TNKS: variants seen among roughly 807,000 people sequenced by gnomAD.
TNKS encodes the protein poly [ADP-ribose] polymerase tankyrase-1.
A neutral mutation model predicts 135.8 loss-of-function variants in TNKS; 72 were observed. That is an observed-to-expected ratio of 0.53 (90% CI 0.44 to 0.64). The LOEUF is 0.64. Ranked by LOEUF, TNKS falls within the 30% of genes least tolerant of loss-of-function variation. TNKS has a pLI of 0.00. For missense variants in TNKS, 1,769 were observed against 1,674.0 expected (o/e 1.06, Z -0.99); for synonymous variants, 849 against 649.3 (o/e 1.31, Z -4.68).
chr8:9,664,053 C>T (rs955052414), intron 3 of TNKS, among the ~76,000 whole-genome samples: 1 of 152,146 alleles, frequency 6.6e-6, no homozygotes, highest in African/African-American at 2.4e-5. Context: ...TCCAGGAGCC[C>T]CCAGCCATCA....
intron 12 of TNKS, among the ~76,000 whole-genome samples, chr8:9,723,837 C>G (rs1282975093): frequency 1.3e-5 from 2 of 152,152 alleles, no homozygotes; most frequent in African/African-American, 4.8e-5. Flanking sequence ...TAAGTTCGAT[C>G]TTGACCTGAA....
chr8:9,568,715 A>G (rs1797644843), intron 1 of TNKS, among the ~76,000 whole-genome samples: 1 of 152,234 alleles, frequency 6.6e-6, no homozygotes, highest in South Asian at 2.1e-4. Flanking sequence ...GTTAAAGTAT[A>G]TGAAGAAAAT....
chr8:9,621,758 T>C (rs1353740844), intron 3 of TNKS, among the ~76,000 whole-genome samples: 1 of 152,176 alleles, frequency 6.6e-6, no homozygotes, highest in African/African-American at 2.4e-5. Context: ...TTATCAGTTA[T>C]TAGAAAGTCT....
chr8:9,755,577 C>T (rs1282334658), intron 20 of TNKS, among the ~76,000 whole-genome samples: 3 of 152,098 alleles, frequency 2.0e-5, no homozygotes, highest in Non-Finnish European at 4.4e-5. Flanking sequence ...TAACCTTTTC[C>T]ATAACTTTAA....
At chr8:9,661,562 A>C (rs1301403530) in intron 3 of TNKS, among the ~76,000 whole-genome samples, 1 of 152,096 alleles carries the variant, frequency 6.6e-6, no homozygotes, top group Non-Finnish European at 1.5e-5. Flanking sequence ...TCCCTTCCTT[A>C]CACCTTAGAC....
chr8:9,748,625 T>G (rs1806364524), intron 18 of TNKS, among the ~76,000 whole-genome samples: 1 of 152,224 alleles, frequency 6.6e-6, no homozygotes, highest in Non-Finnish European at 1.5e-5. Context: ...AACTGCAAAG[T>G]TAAGCACTGC....
intron 11 of TNKS, among the ~76,000 whole-genome samples, chr8:9,718,977 G>A (rs1039658182): frequency 2.6e-5 from 4 of 152,204 alleles, no homozygotes; most frequent in Non-Finnish European, 4.4e-5. Flanking sequence ...CCAGAAAAAT[G>A]TTAATGATTA....
chr8:9,757,682 CA>C (rs1470481083), intron 20 of TNKS, among the ~76,000 whole-genome samples: 1 of 152,162 alleles, frequency 6.6e-6, no homozygotes, highest in African/African-American at 2.4e-5. Flanking sequence ...TTGGTTACCT[CA>C]AGTAAATAGC....
chr8:9,756,873 A>G (rs1444926281), intron 20 of TNKS, among the ~76,000 whole-genome samples: 1 of 152,068 alleles, frequency 6.6e-6, no homozygotes, highest in Non-Finnish European at 1.5e-5. Context: ...GCCCTTCATA[A>G]TGCCAACAGT....
intron 22 of TNKS, among the ~76,000 whole-genome samples, chr8:9,764,060 A>G (rs1807291484): frequency 6.6e-6 from 1 of 152,130 alleles, no homozygotes; most frequent in Non-Finnish European, 1.5e-5. Context: ...CAGTTAGTAC[A>G]TTTTGATAAC....
chr8:9,583,164 C>CAA (rs35527299), intron 2 of TNKS, among the ~76,000 whole-genome samples: 151 of 71,656 alleles, frequency 2.1e-3, no homozygotes, highest in African/African-American at 6.8e-3. Context: ...GACTCTGTCT[C>CAA]AAAAAAAAAA....
chr8:9,702,854 GA>G (rs1305479516), intron 5 of TNKS, among the ~76,000 whole-genome samples: 2 of 151,972 alleles, frequency 1.3e-5, no homozygotes, highest in Non-Finnish European at 2.9e-5. Flanking sequence ...CAGCTCAAGT[GA>G]AAATACAAAA....
chr8:9,666,472 C>T (rs1008817549), intron 3 of TNKS, among the ~76,000 whole-genome samples: 1 of 152,160 alleles, frequency 6.6e-6, no homozygotes, highest in Non-Finnish European at 1.5e-5. Context: ...GTAATCCCCG[C>T]ACTTTGGGAG....
chr8:9,622,175 A>G (rs1042717179), intron 3 of TNKS, among the ~76,000 whole-genome samples: 4 of 152,192 alleles, frequency 2.6e-5, no homozygotes, highest in African/African-American at 7.2e-5. Flanking sequence ...TTTAAAAAAG[A>G]TTATATCTGA....
chr8:9,680,735 G>A lies in TNKS; in HGVS notation c.1042G>A (p.Glu348Lys). Residue 348 changes from glutamate (E) to lysine (K), a missense_variant, in exon 5 of 27, where the codon GAA becomes AAA. Physicochemically the swap from Glu to Lys is moderately conservative, Grantham distance 56. Around this residue, in one of 5 missense-constraint regions of TNKS, gnomAD observed 523 missense variants for 541.0 expected, o/e 0.97. Transcript: ENST00000310430. ...ELLEAARSGNEEKLMALLTPL... is the reference protein window; with the variant it reads ...ELLEAARSGNKEKLMALLTPL... ...ACTACCTTTTTATAGGAGTGGTAAT[G>A]AAGAAAAACTAATGGCTTTACTGAC... 1 of 1,610,956 alleles carries A rather than the reference G, an allele frequency of 6.2e-7. No homozygotes were observed. Among genetic ancestry groups the A allele is most frequent in the Non-Finnish European group, 8.5e-7 (1 of 1,177,894 alleles).
chr8:9,680,169 T>G (rs180897746), intron 4 of TNKS, among the ~76,000 whole-genome samples, 182 bp downstream of exon 4: 11 of 152,324 alleles, frequency 7.2e-5, no homozygotes, highest in African/African-American at 2.2e-4. Context: ...TTTCATGTGG[T>G]GATGATTATA....
At chr8:9,615,499 C>A in intron 2 of TNKS, 83 bp from the exon 3 acceptor site, 1 of 1,175,994 alleles carries the variant, frequency 8.5e-7, no homozygotes, top group South Asian at 1.5e-5. Flanking sequence ...ATGTTTATGC[C>A]TACACCATGC....
intron 5 of TNKS, among the ~76,000 whole-genome samples, chr8:9,693,334 A>C (rs1179961819): frequency 3.3e-5 from 5 of 151,760 alleles, no homozygotes; most frequent in Non-Finnish European, 5.9e-5. Flanking sequence ...GTGTGGGAAA[A>C]AACAGCAACA....
chr8:9,594,360 G>A (rs922760494), intron 2 of TNKS, among the ~76,000 whole-genome samples: 2 of 152,138 alleles, frequency 1.3e-5, no homozygotes, highest in African/African-American at 4.8e-5. Flanking sequence ...CAGTGTGATA[G>A]CCATTAAATT....
Sources: allele counts gnomAD v4.1 joint callset (sites outside exome capture counted in the v4.1 genomes callset), GRCh38; gene constraint gnomAD v4.1.1; regional missense constraint gnomAD v4.1.1; transcripts MANE v1.5; gene names NCBI Gene and HGNC (gene_info 2026-07-23, HGNC 2026-07-21).